SH3D19: variants seen among roughly 807,000 people sequenced by gnomAD.
SH3D19 encodes SH3 domain containing 19.
Under a neutral mutation model 112.1 loss-of-function variants are expected in SH3D19, and 58 were observed. The ratio of observed to expected loss-of-function variants is 0.52; its 90% confidence interval spans 0.42 to 0.64. The LOEUF (loss-of-function observed/expected upper bound fraction) is 0.64, where lower values mean the gene tolerates loss of function less well. Ranked by LOEUF, SH3D19 falls within the 30% of genes least tolerant of loss-of-function variation. The probability of loss-of-function intolerance (pLI) is 0.00; values close to 1 mark genes in which losing one functional copy is unlikely to be tolerated. For synonymous variants in SH3D19, 391 were observed against 448.5 expected (o/e 0.87, Z 1.62); for missense variants, 1,090 against 1,263.4 (o/e 0.86, Z 2.08).
chr4:151,214,176 G>T (rs956220690), intron 2 of SH3D19, among the ~76,000 whole-genome samples: 6 of 151,946 alleles, frequency 3.9e-5, no homozygotes, highest in African/African-American at 1.5e-4. Flanking sequence ...GAGAGCACAG[G>T]GCTGGGGGGT....
chr4:151,223,949 A>G (rs1417086300), intron 2 of SH3D19, among the ~76,000 whole-genome samples: 1 of 152,172 alleles, frequency 6.6e-6, no homozygotes, highest in Non-Finnish European at 1.5e-5. Flanking sequence ...TGGTATCTAT[A>G]CAGTCACTCC....
intron 2 of SH3D19, among the ~76,000 whole-genome samples, chr4:151,212,347 GT>G (rs1766100975): frequency 1.3e-5 from 2 of 152,010 alleles, no homozygotes; most frequent in African/African-American, 4.8e-5. Context: ...GTCTTGCTAT[GT>G]TGCCCAGGCT....
intron 2 of SH3D19, among the ~76,000 whole-genome samples, chr4:151,196,477 A>G (rs996616120): frequency 2.6e-5 from 4 of 152,176 alleles, no homozygotes; most frequent in Admixed American, 6.5e-5. Context: ...CCCTCTGTCC[A>G]GAGATGAAAA....
chr4:151,290,692 G>A (rs1775235623), intron 1 of SH3D19, among the ~76,000 whole-genome samples: 1 of 152,030 alleles, frequency 6.6e-6, no homozygotes, highest in Non-Finnish European at 1.5e-5. Context: ...CAGTAAAGCT[G>A]TTACAAAAAA....
At chr4:151,150,270 T>C (rs1472622606) in intron 9 of SH3D19, among the ~76,000 whole-genome samples, 1 of 135,382 alleles carries the variant, frequency 7.4e-6, no homozygotes, top group East Asian at 2.1e-4. Flanking sequence ...TATATACATA[T>C]ATATACACAC....
Position 151,278,133 on chromosome 4 carries a change from T to A in SH3D19, c.112+47108A>T, listed in dbSNP as rs1311766552. The stretch of plus-strand genomic sequence containing the variant: ...CAAATACTGCAAAATGCCAATTCAG[T>A]TAAACCAAATAGCACAAAAGTAAAC... On this transcript the variant is annotated intron_variant, in intron 1 of 19. Coordinates refer to ENST00000604030, the MANE Select transcript of SH3D19 (RefSeq NM_001378122.1). 2.0e-5 allele frequency among the ~76,000 whole-genome samples: 3 copies of A among 152,264 alleles called. No homozygotes were observed. In the East Asian group the frequency reaches 5.8e-4, roughly 29 times the overall value.
intron 1 of SH3D19, among the ~76,000 whole-genome samples, chr4:151,302,866 C>T (rs368264374): frequency 8.5e-6 from 1 of 118,302 alleles, no homozygotes; most frequent in African/African-American, 3.2e-5. Flanking sequence ...CGGGGCCTGT[C>T]GTGGGGTGGG....
rs987397374 is a variant in SH3D19, at chr4:151,237,026, C to G, written c.113-10940G>C. 1.9e-4 allele frequency among the ~76,000 whole-genome samples: 29 copies of G among 152,338 alleles called. 1 individual carries two copies. Among genetic ancestry groups the G allele is most frequent in the Admixed American group, 1.8e-3 (28 of 15,304 alleles). On this transcript the variant is annotated intron_variant, in intron 1 of 19. Transcript: ENST00000604030. ...GAAGTCCCCTTCCATACTGTGGAAG[C>G]TTTGTTCTTTCACTCTTCACGATAA...
intron 1 of SH3D19, chr4:151,291,462 A>G (rs1456937286): frequency 6.5e-7 from 1 of 1,544,764 alleles, no homozygotes; most frequent in East Asian, 2.3e-5. Flanking sequence ...AACTCACAGG[A>G]GAGCCACTGC....
In SH3D19 at chr4:151,150,226, TATAC is replaced by T. The variant is rs796514253; in HGVS notation, c.1756-669_1756-666del. Among the ~76,000 whole-genome samples, 396 of 52,860 alleles carry T rather than the reference TATAC, an allele frequency of 7.5e-3. 10 individuals carry two copies. Among genetic ancestry groups the T allele is most frequent in the East Asian group, 0.053 (84 of 1,596 alleles). The allele number at this position is 52,860 out of a possible 152,430, so 34.7% of individuals were successfully genotyped here. ...AAAAAAATATATATATATATATATATATACACACACACATATATATATATACACA... is the reference window on the plus strand; with the variant it reads ...AAAAAAATATATATATATATATATATACACACACATATATATATATACACA... On this transcript the variant is annotated intron_variant, in intron 9 of 19. Transcript: ENST00000604030.
At chr4:151,124,883 G>A (rs567639797) in intron 19 of SH3D19, among the ~76,000 whole-genome samples, 3 of 152,250 alleles carry the variant, frequency 2.0e-5, no homozygotes, top group Admixed American at 2.0e-4. Flanking sequence ...AAGATAACCT[G>A]TTTTCTGGAG....
chr4:151,239,772 A>G (rs369908498), intron 1 of SH3D19, among the ~76,000 whole-genome samples: 1 of 152,264 alleles, frequency 6.6e-6, no homozygotes, highest in Non-Finnish European at 1.5e-5. Context: ...CAAGAGGTCC[A>G]TATCATTCAT....
chr4:151,176,873 A>G lies in SH3D19; in HGVS notation c.319T>C (p.Phe107Leu). 2 of 1,232,196 alleles carry G rather than the reference A, an allele frequency of 1.6e-6. No individual in the cohort carries two copies. The highest frequency in any genetic ancestry group is 2.0e-6 in the Non-Finnish European group (2 of 987,978). The allele number at this position is 1,232,196 out of a possible 1,614,324, so 76.3% of individuals were successfully genotyped here. ...GAGCCTGCTGCAGATGATGTAGGAA[A>G]TCCCAGTCCTGGGGGTGGGGTTCCT... ...FPGTPPPGLGFPTSSAAGSWR... is the reference protein window; with the variant it reads ...FPGTPPPGLGLPTSSAAGSWR... The change falls in exon 5 of 20, where the codon TTT becomes CTT. Residue 107 changes from phenylalanine (F) to leucine (L), a missense_variant. Coordinates refer to ENST00000604030, the MANE Select transcript of SH3D19 (RefSeq NM_001378122.1).
chr4:151,312,898 C>CT (rs1420057964), intron 1 of SH3D19, among the ~76,000 whole-genome samples: 1 of 146,216 alleles, frequency 6.8e-6, no homozygotes, highest in Non-Finnish European at 1.5e-5. Context: ...AAGACTCCAT[C>CT]TCAAAAAAAA....
chr4:151,325,587 C>T lies in SH3D19; in HGVS notation c.-235G>A. On this transcript the variant is annotated 5_prime_UTR_variant, in exon 1 of 20. Coordinates refer to ENST00000604030, the MANE Select transcript of SH3D19 (RefSeq NM_001378122.1). Reference sequence around the variant, plus strand: ...GATTCCCCGCCTCCTTGCGGCGTCCCGGCGGCCTCTTAATCCCTGGCCTTT... The same window carrying T: ...GATTCCCCGCCTCCTTGCGGCGTCCTGGCGGCCTCTTAATCCCTGGCCTTT... 7.6e-6 allele frequency: 2 copies of T among 263,790 alleles called. No individual in the cohort carries two copies. The highest frequency in any genetic ancestry group is 1.4e-5 in the Non-Finnish European group (2 of 141,110). The allele number at this position is 263,790 out of a possible 1,614,324, so 16.3% of individuals were successfully genotyped here.
At chr4:151,229,783 T>C (rs1769455240) in intron 1 of SH3D19, among the ~76,000 whole-genome samples, 2 of 152,186 alleles carry the variant, frequency 1.3e-5, no homozygotes, top group Non-Finnish European at 2.9e-5. Flanking sequence ...GACGTGGTGG[T>C]GCACGCCTGT....
intron 2 of SH3D19, among the ~76,000 whole-genome samples, chr4:151,194,431 C>T (rs746032089): frequency 5.9e-5 from 9 of 151,958 alleles, no homozygotes; most frequent in Non-Finnish European, 8.8e-5. Flanking sequence ...AAAAAATAAG[C>T]GATAAAATAT....
intron 2 of SH3D19, among the ~76,000 whole-genome samples, chr4:151,194,440 A>G (rs981099535): frequency 1.3e-5 from 2 of 152,134 alleles, no homozygotes; most frequent in African/African-American, 2.4e-5. Context: ...GCGATAAAAT[A>G]TAGACAAATA....
rs777248684 is a variant in SH3D19 at position 151,174,900 on chromosome 4, G to T, written c.1304C>A (p.Thr435Asn). 5.0e-6 allele frequency: 8 copies of T among 1,613,266 alleles called. No homozygotes were observed. The highest frequency in any genetic ancestry group is 6.8e-6 in the Non-Finnish European group (8 of 1,179,442). The change falls in exon 7 of 20, where the codon ACC becomes AAC. Residue 435 changes from threonine (T) to asparagine (N), a missense_variant. By Grantham distance (65) the Thr-to-Asn change is moderately conservative. Transcript: ENST00000604030. ...AGGTTTCAGTGGAGCTGAAGGGTAG[G>T]TGGGGTTTTCTGAGGAAACAGATTT... ...LKKSVSSENPTYPSAPLKPVT... is the reference protein window; with the variant it reads ...LKKSVSSENPNYPSAPLKPVT...
Sources: allele counts gnomAD v4.1 joint callset (sites outside exome capture counted in the v4.1 genomes callset), GRCh38; gene constraint gnomAD v4.1.1; transcripts MANE v1.5; gene names NCBI Gene and HGNC (gene_info 2026-07-23, HGNC 2026-07-21).